TENM2: variants seen among roughly 807,000 people sequenced by gnomAD.
The protein encoded by TENM2 is teneurin transmembrane protein 2, also known as teneurin-2.
In TENM2, 52 loss-of-function variants were observed where a neutral mutation model predicts 245.2. The ratio of observed to expected loss-of-function variants is 0.21; its 90% CI spans 0.17 to 0.27. The LOEUF is 0.27. Ranked by LOEUF, TENM2 falls within the 10% of genes least tolerant of loss-of-function variation. TENM2 has a pLI of 1.00. For synonymous variants in TENM2, 1,363 were observed against 1,438.9 expected (o/e 0.95, Z 1.19); for missense variants, 3,046 against 3,666.8 (o/e 0.83, Z 4.37).
At chr5:167,109,429 A>G in the TENM2 span, among the ~76,000 whole-genome samples, 1 of 152,260 alleles carries the variant, frequency 6.6e-6, no homozygotes, top group Non-Finnish European at 1.5e-5. Context: ...TACAGCAGAA[A>G]GTTGATATTT....
At chr5:167,942,641 G>T (rs1463126288) in intron 3 of TENM2, among the ~76,000 whole-genome samples, 4 of 152,126 alleles carry the variant, frequency 2.6e-5, no homozygotes, top group African/African-American at 9.7e-5. Flanking sequence ...AAAGTTAGTG[G>T]CATCCTGGGG....
chr5:167,045,968 A>G, the TENM2 span, among the ~76,000 whole-genome samples: 1 of 152,206 alleles, frequency 6.6e-6, no homozygotes, highest in Non-Finnish European at 1.5e-5. Flanking sequence ...TTCTCTGATT[A>G]GTTTCTCCTA....
chr5:167,531,153 A>G (rs1044722152), intron 2 of TENM2, among the ~76,000 whole-genome samples: 15 of 152,152 alleles, frequency 9.9e-5, no homozygotes, highest in African/African-American at 3.6e-4. Context: ...GGGGTTTCTA[A>G]TGTTGTATTC....
At chr5:168,170,568 AGAAG>A (rs750882973) in intron 13 of TENM2, among the ~76,000 whole-genome samples, 18 of 150,430 alleles carry the variant, frequency 1.2e-4, no homozygotes, top group South Asian at 6.2e-4. Context: ...GAAGGAAGGA[AGAAG>A]GAAGGAAGGA....
the TENM2 span, among the ~76,000 whole-genome samples, chr5:167,038,294 T>TA: frequency 6.6e-6 from 1 of 152,166 alleles, no homozygotes; most frequent in Non-Finnish European, 1.5e-5. Flanking sequence ...CTATATCTGT[T>TA]ATACCTTCTC....
intron 7 of TENM2, among the ~76,000 whole-genome samples, chr5:168,077,366 G>T (rs3097825): frequency 0.37 from 56,591 of 151,618 alleles, 11,166 homozygotes; most frequent in East Asian, 0.57. Context: ...ACCCACTATG[G>T]GCCAAGCACT....
At chr5:168,051,860 C>T (rs572527608) in intron 6 of TENM2, among the ~76,000 whole-genome samples, 2 of 152,278 alleles carry the variant, frequency 1.3e-5, no homozygotes, top group East Asian at 3.9e-4. Context: ...AATAAATGAT[C>T]CACGAGTCTT....
chr5:167,220,028 T>G, the TENM2 span, among the ~76,000 whole-genome samples: 2 of 152,198 alleles, frequency 1.3e-5, no homozygotes, highest in African/African-American at 4.8e-5. Flanking sequence ...GGAGATATGA[T>G]TTGAGTATAT....
intron 2 of TENM2, among the ~76,000 whole-genome samples, chr5:167,863,789 C>T (rs1434891490): frequency 6.6e-6 from 1 of 152,106 alleles, no homozygotes; most frequent in Non-Finnish European, 1.5e-5. Flanking sequence ...AATAAAGAAC[C>T]CTGATCTCCT....
At chr5:167,539,517 T>A (rs1435620635) in intron 2 of TENM2, among the ~76,000 whole-genome samples, 1 of 152,222 alleles carries the variant, frequency 6.6e-6, no homozygotes, top group Non-Finnish European at 1.5e-5. Flanking sequence ...CTGTTAAGTT[T>A]TCTTTTAAAC....
chr5:168,119,397 G>T (rs545328174), intron 10 of TENM2, among the ~76,000 whole-genome samples: 1 of 152,350 alleles, frequency 6.6e-6, no homozygotes, highest in East Asian at 1.9e-4. Context: ...AAAAGCAGCT[G>T]TAACTACTCC....
the TENM2 span, among the ~76,000 whole-genome samples, chr5:167,024,670 T>C: frequency 6.6e-6 from 1 of 152,176 alleles, no homozygotes; most frequent in Non-Finnish European, 1.5e-5. Context: ...AAGGTGGGAC[T>C]AGCTTGGCCA....
intron 23 of TENM2, among the ~76,000 whole-genome samples, chr5:168,219,946 A>C (rs901101290): frequency 6.6e-6 from 1 of 151,852 alleles, no homozygotes; most frequent in Non-Finnish European, 1.5e-5. Context: ...TCTTGGGAGA[A>C]TGTAAAAGGA....
intron 1 of TENM2, among the ~76,000 whole-genome samples, chr5:167,309,025 C>T (rs1581711432): frequency 9.2e-6 from 1 of 108,572 alleles, no homozygotes; most frequent in Non-Finnish European, 1.7e-5. Context: ...GGACTTCAAT[C>T]TCTATCTATA....
chr5:167,934,438 C>T (rs1014151483), intron 3 of TENM2, among the ~76,000 whole-genome samples: 1 of 152,164 alleles, frequency 6.6e-6, no homozygotes. Context: ...CATACCTCAT[C>T]TTATAGCCAA....
At chr5:167,500,958 T>C (rs967015121) in intron 2 of TENM2, among the ~76,000 whole-genome samples, 2 of 152,128 alleles carry the variant, frequency 1.3e-5, no homozygotes, top group African/African-American at 4.8e-5. Flanking sequence ...TTAAAATCTT[T>C]AGTAAGATTT....
At chr5:168,098,097 C>G in exon 9 of TENM2, 1 of 1,613,522 alleles carries the variant, frequency 6.2e-7, no homozygotes, top group Non-Finnish European at 8.5e-7. Context: ...TCACTGTTTC[C>G]CAGGATTTCT....
intron 2 of TENM2, among the ~76,000 whole-genome samples, chr5:167,428,563 A>C (rs1419894106): frequency 2.0e-5 from 3 of 152,236 alleles, no homozygotes; most frequent in Non-Finnish European, 4.4e-5. Context: ...AAATTGAGAA[A>C]AAAGAATTTG....
chr5:167,876,274 G>A, intron 3 of TENM2, 79 bp downstream of exon 5: 1 of 1,227,392 alleles, frequency 8.1e-7, no homozygotes, highest in Non-Finnish European at 1.2e-6. Flanking sequence ...TGACAATGCT[G>A]AAACAAGGGC....
Sources: gnomAD v4.1 joint callset for allele counts (sites outside exome capture counted in the v4.1 genomes callset) on GRCh38, gnomAD v4.1.1 for gene constraint, MANE v1.5 for transcripts, NCBI Gene and HGNC (gene_info 2026-07-23, HGNC 2026-07-21) for gene names.